Variants in SETD5 observed in about 807,000 individuals in gnomAD.
The protein encoded by SETD5 is SET domain containing 5.
A neutral mutation model predicts 153.3 loss-of-function variants in SETD5; 44 were observed. The ratio of observed to expected loss-of-function variants is 0.29; its 90% CI spans 0.23 to 0.37. The LOEUF is 0.37. Among genes scored for constraint, SETD5 ranks in the 10% least tolerant of loss-of-function variants. SETD5 has a pLI of 1.00. For missense variants in SETD5, 1,544 were observed against 1,768.0 expected, an observed-to-expected ratio of 0.87 and a Z score of 2.27; for synonymous variants, 716 against 645.2, an observed-to-expected ratio of 1.11 and a Z score of -1.66.
intron 17 of SETD5, among the ~76,000 whole-genome samples, chr3:9,455,168 C>CTTTTTTTTTTTTTT (rs903600741): frequency 6.0e-5 from 6 of 99,916 alleles, no homozygotes; most frequent in Non-Finnish European, 9.8e-5. Context: ...TTCTTTTTTT[C>CTTTTTTTTTTTTTT]TTTTTTTTTT....
At position 9,441,640 on chromosome 3, in the gene SETD5, G is replaced by A. The variant is rs763813416; in HGVS notation, c.858G>A (p.Leu286=). Residue 286 remains leucine (L), a synonymous_variant, in exon 9 of 23, where the codon CTG becomes CTA. Coordinates refer to ENST00000402198, the MANE Select transcript of SETD5 (RefSeq NM_001080517.3). ...GTGTTCAAAAGCACCGGAAGATCCT[G>A]AGGGCTGCAAGAGATTTGGCTTTGG... The part of the protein sequence containing the change: ...VTRVQKHRKI[L]RAARDLALDT... The A allele has an allele frequency of 6.2e-7, 1 of 1,613,962 alleles. No homozygotes were observed. The highest frequency in any genetic ancestry group is 1.1e-5 in the South Asian group (1 of 91,080).
At chr3:9,415,279 G>A (rs750986992) in intron 1 of SETD5, among the ~76,000 whole-genome samples, 10 of 152,150 alleles carry the variant, frequency 6.6e-5, no homozygotes, top group South Asian at 6.2e-4. Context: ...ATTGAAACTG[G>A]ATCAAAGATG....
rs2045808089 is a variant in SETD5 at position 9,475,899 on chromosome 3, G to A, written c.4137G>A (p.Arg1379=). 1 of 1,613,980 alleles carries A rather than the reference G, an allele frequency of 6.2e-7. No homozygotes were observed. Among genetic ancestry groups the A allele is most frequent in the East Asian group, 2.2e-5 (1 of 44,884 alleles). The change falls in exon 23 of 23, where the codon AGG becomes AGA. Residue 1379 remains arginine (R), a synonymous_variant. Transcript: ENST00000402198. ...LSSTSFPQNS[R]SSLPSDLRTI... The stretch of plus-strand genomic sequence containing the variant: ...CCACCTCCTTTCCTCAGAACTCTAG[G>A]TCGTCATTGCCATCAGACTTACGGA...
At chr3:9,468,064 G>C (rs1180373737) in intron 18 of SETD5, among the ~76,000 whole-genome samples, 2 of 151,004 alleles carry the variant, frequency 1.3e-5, no homozygotes, top group Non-Finnish European at 2.9e-5. Flanking sequence ...GGGAGGGCCT[G>C]AGGCATATAA....
At chr3:9,446,856 G>T (rs1240102593) in intron 13 of SETD5, among the ~76,000 whole-genome samples, 194 bp from the exon 14 acceptor site, 1 of 151,942 alleles carries the variant, frequency 6.6e-6, no homozygotes, top group Non-Finnish European at 1.5e-5. Context: ...GTTTGACCTT[G>T]CCTTTATTTA....
At chr3:9,472,741 A>G (rs2045448474) in intron 19 of SETD5, among the ~76,000 whole-genome samples, 1 of 148,032 alleles carries the variant, frequency 6.8e-6, no homozygotes, top group Non-Finnish European at 1.5e-5. Flanking sequence ...CCTCTCCTCC[A>G]TCTCCTTCTC....
At chr3:9,465,183 G>GT (rs2044410361) in intron 18 of SETD5, among the ~76,000 whole-genome samples, 1 of 152,156 alleles carries the variant, frequency 6.6e-6, no homozygotes, top group Admixed American at 6.5e-5. Context: ...GCGAATGTGG[G>GT]TTTTTTCCAC....
At chr3:9,462,633 C>T (rs1341870800) in intron 17 of SETD5, among the ~76,000 whole-genome samples, 3 of 150,502 alleles carry the variant, frequency 2.0e-5, no homozygotes, top group Non-Finnish European at 4.4e-5. Context: ...TGGGGCCAGG[C>T]GTGGTGGCTC....
At chr3:9,430,102 G>A (rs2039785726) in intron 3 of SETD5, 1 of 1,038,166 alleles carries the variant, frequency 9.6e-7, no homozygotes, top group African/African-American at 1.7e-5. Context: ...CACAGTCCCT[G>A]GGGATTCTTC....
rs574228410 is a variant in SETD5 at position 9,477,178 on chromosome 3, G to C, written c.*1087G>C. 9.1e-4 allele frequency: 139 copies of C among 152,780 alleles called. 1 individual carries two copies. Among genetic ancestry groups the C allele is most frequent in the Admixed American group, 2.4e-3 (37 of 15,298 alleles). 9.5% of individuals were successfully genotyped at this position (152,780 alleles called of 1,614,324 possible). On this transcript the variant is annotated 3_prime_UTR_variant, in exon 23 of 23. Coordinates refer to ENST00000402198, the MANE Select transcript of SETD5 (RefSeq NM_001080517.3). ...ATGCTTATGTGAGAGTGGGCCCAGT[G>C]AAAGAGTTACCAAGCCACCCACACC...
At chr3:9,425,551 C>G (rs994165245) in intron 2 of SETD5, among the ~76,000 whole-genome samples, 26 of 142,358 alleles carry the variant, frequency 1.8e-4, no homozygotes, top group Middle Eastern at 7.5e-3. Flanking sequence ...GGGTTTATAA[C>G]TTGTCTTTTA....
intron 1 of SETD5, among the ~76,000 whole-genome samples, chr3:9,402,555 C>T (rs547283732): frequency 1.3e-5 from 2 of 152,044 alleles, no homozygotes; most frequent in African/African-American, 4.8e-5. Context: ...TACATCAGGC[C>T]AGTTTTGCCT....
At chr3:9,402,437 A>G (rs918176324) in intron 1 of SETD5, among the ~76,000 whole-genome samples, 1 of 152,186 alleles carries the variant, frequency 6.6e-6, no homozygotes, top group African/African-American at 2.4e-5. Flanking sequence ...CTGAGGGAAT[A>G]CCTTACTTAA....
At chr3:9,403,164 T>G (rs1051685197) in intron 1 of SETD5, among the ~76,000 whole-genome samples, 2 of 152,122 alleles carry the variant, frequency 1.3e-5, no homozygotes, top group Admixed American at 1.3e-4. Flanking sequence ...TAGTTCCCAC[T>G]CAAGCATTGA....
chr3:9,427,970 C>G (rs985842945), intron 2 of SETD5, among the ~76,000 whole-genome samples: 1 of 152,144 alleles, frequency 6.6e-6, no homozygotes, highest in African/African-American at 2.4e-5. Flanking sequence ...CTATCCTCAC[C>G]GCTTTTTCAT....
intron 4 of SETD5, 36 bp downstream of exon 4, chr3:9,433,986 C>A: frequency 1.2e-6 from 2 of 1,611,434 alleles, no homozygotes; most frequent in South Asian, 1.1e-5. Flanking sequence ...GAACAGTGAT[C>A]TTCCTGGAGT....
chr3:9,411,518 A>T (rs1383490587), intron 1 of SETD5, among the ~76,000 whole-genome samples: 1 of 152,230 alleles, frequency 6.6e-6, no homozygotes, highest in Non-Finnish European at 1.5e-5. Flanking sequence ...AGGTGAAGAA[A>T]TAGTGATTAA....
chr3:9,432,372 A>C, intron 3 of SETD5: 6 of 711,524 alleles, frequency 8.4e-6, no homozygotes, highest in African/African-American at 1.9e-5. Context: ...CTCACTTCTC[A>C]ATTGACATTG....
In SETD5 at chr3:9,441,709, G is replaced by A. The variant is rs758523013; in HGVS notation, c.927G>A (p.Gln309=). 2 of 1,613,992 alleles carry A rather than the reference G, an allele frequency of 1.2e-6. No homozygotes were observed. Among genetic ancestry groups the A allele is most frequent in the Non-Finnish European group, 1.7e-6 (2 of 1,179,868 alleles). Residue 309 remains glutamine (Q), a synonymous_variant, in exon 9 of 23, where the codon CAG becomes CAA. Transcript: ENST00000402198. ...IEYRGKVMLR[Q]QFEVNGHFFK... ...ATCGTGGGAAAGTCATGTTACGACA[G>A]CAATTTGAGGTCAATGGGCATTTCT...
Sources: allele counts gnomAD v4.1 joint callset (sites outside exome capture counted in the v4.1 genomes callset), GRCh38; gene constraint gnomAD v4.1.1; transcripts MANE v1.5; gene names NCBI Gene and HGNC (gene_info 2026-07-23, HGNC 2026-07-21).